The following SOCS5 variants were observed in gnomAD, a reference collection of about 807,000 sequenced individuals.
The protein encoded by SOCS5 is suppressor of cytokine signaling 5.
Under a neutral mutation model 42.8 loss-of-function variants are expected in SOCS5, and 32 were observed. That is an observed-to-expected ratio of 0.75 (90% CI 0.56 to 1.01). The LOEUF is 1.01. SOCS5 is among the 50% of genes least tolerant of loss of function. SOCS5 has a pLI of 0.00. For missense variants in SOCS5, 627 were observed against 653.0 expected, an observed-to-expected ratio of 0.96 and a Z score of 0.43; for synonymous variants, 283 against 229.6, an observed-to-expected ratio of 1.23 and a Z score of -2.10.
intron 1 of SOCS5, among the ~76,000 whole-genome samples, chr2:46,740,130 A>G (rs936930447): frequency 2.0e-5 from 3 of 152,222 alleles, no homozygotes; most frequent in African/African-American, 4.8e-5. Flanking sequence ...TATTCCTACA[A>G]TCATGTCTAA....
chr2:46,704,904 G>A (rs943151467), intron 1 of SOCS5, among the ~76,000 whole-genome samples: 4 of 152,132 alleles, frequency 2.6e-5, no homozygotes, highest in Admixed American at 1.3e-4. Context: ...GGCTCTGAGG[G>A]TTGGCACTTT....
intron 1 of SOCS5, among the ~76,000 whole-genome samples, chr2:46,722,079 T>C (rs1326896115): frequency 6.6e-6 from 1 of 152,114 alleles, no homozygotes; most frequent in Non-Finnish European, 1.5e-5. Context: ...GTATATACTC[T>C]GTTTGCTTTG....
chr2:46,745,972 G>A (rs1271590529), intron 1 of SOCS5, among the ~76,000 whole-genome samples: 4 of 151,754 alleles, frequency 2.6e-5, no homozygotes, highest in Admixed American at 6.6e-5. Context: ...TTATAATACC[G>A]TTAACTGTTG....
At chr2:46,730,826 G>A (rs1192132630) in intron 1 of SOCS5, among the ~76,000 whole-genome samples, 1 of 152,062 alleles carries the variant, frequency 6.6e-6, no homozygotes, top group Admixed American at 6.6e-5. Flanking sequence ...CTAGGATATC[G>A]GATTAGTAGG....
chr2:46,735,059 C>T lies in SOCS5; in HGVS notation c.-12-23460C>T, dbSNP rs570372705. Among the ~76,000 whole-genome samples, 99 of 152,282 alleles carry T rather than the reference C, an allele frequency of 6.5e-4. 1 individual carries two copies. In the Middle Eastern group the frequency reaches 0.017, roughly 26 times the overall value. ...ACCTAGCTCATGATCACCTTTTCTG[C>T]GAAGCCTTTCCTGATCCCCTGCATT... On this transcript the variant is annotated intron_variant, in intron 1 of 1. Transcript: ENST00000394861.
chr2:46,713,165 G>C (rs1182924455), intron 1 of SOCS5, among the ~76,000 whole-genome samples: 1 of 152,160 alleles, frequency 6.6e-6, no homozygotes, highest in Admixed American at 6.5e-5. Context: ...AGACCAGCTT[G>C]GGCAACATAG....
intron 1 of SOCS5, among the ~76,000 whole-genome samples, chr2:46,717,942 G>C (rs12614519): frequency 6.6e-6 from 1 of 152,210 alleles, no homozygotes. Flanking sequence ...GTGCAGCTTA[G>C]TCTCTAGGCA....
At chr2:46,733,797 T>G (rs1673181262) in intron 1 of SOCS5, among the ~76,000 whole-genome samples, 1 of 152,160 alleles carries the variant, frequency 6.6e-6, no homozygotes, top group African/African-American at 2.4e-5. Flanking sequence ...TTGGTGCCTG[T>G]TACAGAGTAA....
At chr2:46,727,144 C>CTTTTTTTTTTTT (rs759203329) in intron 1 of SOCS5, among the ~76,000 whole-genome samples, 2 of 86,412 alleles carry the variant, frequency 2.3e-5, no homozygotes, top group African/African-American at 9.3e-5. Context: ...TTGGAGCCTT[C>CTTTTTTTTTTTT]TTTTTTTTTT....
chr2:46,702,017 T>G (rs1672356484), intron 1 of SOCS5, among the ~76,000 whole-genome samples: 1 of 151,892 alleles, frequency 6.6e-6, no homozygotes, highest in African/African-American at 2.4e-5. Flanking sequence ...AGACAGGATT[T>G]GTATCCCAGC....
intron 1 of SOCS5, among the ~76,000 whole-genome samples, chr2:46,713,803 C>T (rs1672680565): frequency 6.6e-6 from 1 of 151,972 alleles, no homozygotes; most frequent in South Asian, 2.1e-4. Context: ...TATAAGTTTC[C>T]CTGTAAGCAT....
chr2:46,755,118 T>A (rs1177045088), intron 1 of SOCS5, among the ~76,000 whole-genome samples: 1 of 152,142 alleles, frequency 6.6e-6, no homozygotes, highest in Non-Finnish European at 1.5e-5. Context: ...AGAGGAAGGA[T>A]TTGAGTTGTC....
At chr2:46,704,594 A>G (rs1049992294) in intron 1 of SOCS5, among the ~76,000 whole-genome samples, 7 of 152,134 alleles carry the variant, frequency 4.6e-5, no homozygotes, top group African/African-American at 7.2e-5. Flanking sequence ...ACTATTATGT[A>G]CTGTATACAG....
At chr2:46,714,862 A>G (rs535196286) in intron 1 of SOCS5, among the ~76,000 whole-genome samples, 3 of 151,582 alleles carry the variant, frequency 2.0e-5, no homozygotes, top group African/African-American at 7.3e-5. Context: ...ATTCTATTTT[A>G]TCTTTCCTGT....
chr2:46,704,474 C>T lies in SOCS5; in HGVS notation c.-13+5025C>T, dbSNP rs147238952. 5.5e-3 allele frequency among the ~76,000 whole-genome samples: 840 copies of T among 152,290 alleles called. 6 individuals carry two copies. Among genetic ancestry groups the T allele is most frequent in the Non-Finnish European group, 9.7e-3 (661 of 68,030 alleles). ...GAGGAAGGGGAGTTAGGATGAGAAT[C>T]GGAGGCTGGGTAGAGAAAAGTGTTG... On this transcript the variant is annotated intron_variant, in intron 1 of 1. Transcript: ENST00000394861.
intron 1 of SOCS5, among the ~76,000 whole-genome samples, chr2:46,713,760 T>G (rs1296625200): frequency 2.6e-5 from 4 of 152,182 alleles, no homozygotes; most frequent in African/African-American, 9.6e-5. Context: ...TTTTCGAAAC[T>G]CCTTTTAAAA....
intron 1 of SOCS5, among the ~76,000 whole-genome samples, chr2:46,716,433 G>C (rs1407878103): frequency 8.5e-6 from 1 of 117,980 alleles, no homozygotes; most frequent in African/African-American, 3.2e-5. Context: ...TTTTGTCCTG[G>C]CAGGCAGTTT....
intron 1 of SOCS5, among the ~76,000 whole-genome samples, chr2:46,702,487 G>A (rs1672366224): frequency 1.3e-5 from 2 of 152,094 alleles, no homozygotes; most frequent in Non-Finnish European, 2.9e-5. Context: ...ATTAATAATT[G>A]ATTTGCAGAT....
In SOCS5 at chr2:46,762,671, A is replaced by C. The variant is rs1456411332; in HGVS notation, c.*2530A>C. 6.0e-6 allele frequency: 1 copy of C among 166,214 alleles called. No homozygotes were observed. The highest frequency in any genetic ancestry group is 2.4e-5 in the African/African-American group (1 of 41,468). 10.3% of individuals were successfully genotyped at this position (166,214 alleles called of 1,614,324 possible). ...AATCACCAGCATGAACTTGCACCTAAGTCTATATTCACTGTGTCCTTTTCT... is the reference window on the plus strand; with the variant it reads ...AATCACCAGCATGAACTTGCACCTACGTCTATATTCACTGTGTCCTTTTCT... On this transcript the variant is annotated 3_prime_UTR_variant, in exon 2 of 2. Transcript: ENST00000394861.
Sources: allele counts gnomAD v4.1 joint callset (sites outside exome capture counted in the v4.1 genomes callset), GRCh38; gene constraint gnomAD v4.1.1; transcripts MANE v1.5; gene names NCBI Gene and HGNC (gene_info 2026-07-23, HGNC 2026-07-21).